The following HNRNPF variants were observed in gnomAD, a reference collection of about 807,000 sequenced individuals.
The protein encoded by HNRNPF is HnRNP F protein.
A neutral mutation model predicts 26.0 loss-of-function variants in HNRNPF; 2 were observed. The observed-to-expected ratio is 0.08, with a 90% confidence interval of 0.03 to 0.24. HNRNPF has a LOEUF of 0.24. Ranked by LOEUF, HNRNPF falls within the 10% of genes least tolerant of loss-of-function variation. The pLI, the probability that HNRNPF is intolerant of heterozygous loss-of-function variation, is 1.00. For synonymous variants in HNRNPF, 234 were observed against 211.5 expected, an observed-to-expected ratio of 1.11 and a Z score of -0.92; for missense variants, 299 against 539.2, an observed-to-expected ratio of 0.55 and a Z score of 4.41.
rs538631552 is a variant in HNRNPF at position 43,387,105 on chromosome 10, G to A, written c.780C>T (p.Phe260=). The A allele has an allele frequency of 2.0e-5, 32 of 1,613,456 alleles. No homozygotes were observed. The highest frequency in any genetic ancestry group is 1.3e-4 in the East Asian group (6 of 44,876). The change falls in exon 4 of 4, where the codon TTC becomes TTT. Residue 260 remains phenylalanine, a synonymous_variant. Coordinates refer to ENST00000682386, the MANE Select transcript of HNRNPF (RefSeq NM_001098204.2). The surrounding 1 kb of genome is among the most constrained non-coding windows in gnomAD (Gnocchi z 6.0). ...AGAGACAGTAGCTGAGGTCTCTCCCGAACAGGTCGGTGGTGAAGCCGTAGC... is the reference window on the plus strand; with the variant it reads ...AGAGACAGTAGCTGAGGTCTCTCCCAAACAGGTCGGTGGTGAAGCCGTAGC... The part of the protein sequence containing the change: ...SDGYGFTTDL[F]GRDLSYCLSG...
At position 43,386,382 on chromosome 10, in the gene HNRNPF, T is replaced by A. The variant is rs1361848301; in HGVS notation, c.*255A>T. Reference sequence around the variant, plus strand: ...TTAACATACTTAAACTACTTAAACTTAGATAACATCACTCTGAAGTATACT... The same window carrying A: ...TTAACATACTTAAACTACTTAAACTAAGATAACATCACTCTGAAGTATACT... On this transcript the variant is annotated 3_prime_UTR_variant, in exon 4 of 4. Coordinates refer to ENST00000682386, the MANE Select transcript of HNRNPF (RefSeq NM_001098204.2). The A allele has an allele frequency of 5.0e-6, 2 of 399,648 alleles. No individual in the cohort carries two copies. The highest frequency in any genetic ancestry group is 8.3e-5 in the East Asian group (2 of 24,230). The allele number at this position is 399,648 out of a possible 1,614,324, so 24.8% of individuals were successfully genotyped here.
At chr10:43,400,581 C>T (rs1838721423) in intron 1 of HNRNPF, among the ~76,000 whole-genome samples, 1 of 152,226 alleles carries the variant, frequency 6.6e-6, no homozygotes, top group African/African-American at 2.4e-5. Context: ...ATCTTCCAAC[C>T]CAGCAATTTT....
intron 1 of HNRNPF, among the ~76,000 whole-genome samples, chr10:43,399,334 T>G (rs529623988): frequency 6.6e-6 from 1 of 152,256 alleles, no homozygotes; most frequent in Non-Finnish European, 1.5e-5. Flanking sequence ...CTGATCCACC[T>G]TGGCCTCCCA....
In HNRNPF at chr10:43,387,615, T is replaced by A. The variant is rs777780885; in HGVS notation, c.270A>T (p.Arg90Ser). Residue 90 changes from arginine (R) to serine (S), a missense_variant, in exon 4 of 4, where the codon AGA becomes AGT. By Grantham distance (110) the Arg-to-Ser change is moderately radical. Transcript: ENST00000682386. The surrounding 1 kb of genome is among the most constrained non-coding windows in gnomAD (Gnocchi z 6.0). The stretch of plus-strand genomic sequence containing the variant: ...GCTTCAACACCCAATCCATCTCGGT[T>A]CTGTGGGACTTGAACACCTCAATGT... ...HRYIEVFKSHRTEMDWVLKHS... is the reference protein window; with the variant it reads ...HRYIEVFKSHSTEMDWVLKHS... 1 of 1,614,152 alleles carries A rather than the reference T, an allele frequency of 6.2e-7. No individual in the cohort carries two copies. The highest frequency in any genetic ancestry group is 8.5e-7 in the Non-Finnish European group (1 of 1,180,024).
rs751392662 is a variant in HNRNPF at position 43,397,974 on chromosome 10, T to TA, written c.-246-1385dup. On this transcript the variant is annotated intron_variant, in intron 1 of 3. Coordinates refer to ENST00000682386, the MANE Select transcript of HNRNPF (RefSeq NM_001098204.2). ...TTTATTAAAGCTCCTGATGTATACATAGAGTTTCATTACACTTGTTTCTAC... is the reference window on the plus strand; with the variant it reads ...TTTATTAAAGCTCCTGATGTATACATAAGAGTTTCATTACACTTGTTTCTAC... Among the ~76,000 whole-genome samples, 36 of 152,332 alleles carry TA rather than the reference T, an allele frequency of 2.4e-4. 1 individual carries two copies. The Middle Eastern group carries it at 0.01, about 43-fold the overall frequency.
chr10:43,395,423 ACG>A (rs1378007453), intron 2 of HNRNPF, among the ~76,000 whole-genome samples: 1 of 152,226 alleles, frequency 6.6e-6, no homozygotes, highest in African/African-American at 2.4e-5. Flanking sequence ...GGACTAGGAC[ACG>A]GGCTGAGGGC....
At chr10:43,399,697 G>A (rs1316809315) in intron 1 of HNRNPF, among the ~76,000 whole-genome samples, 1 of 152,202 alleles carries the variant, frequency 6.6e-6, no homozygotes, top group Non-Finnish European at 1.5e-5. Flanking sequence ...GAAGACTGGT[G>A]GGAGAAGAAT....
rs1480389381 is a variant in HNRNPF, at chr10:43,386,326, T to C, written c.*311A>G. ...CAAAAAAGCACGTCTCCCCAGTGTG[T>C]TCACTGTGATGTGGTGTAAAAGATC... On this transcript the variant is annotated 3_prime_UTR_variant, in exon 4 of 4. Coordinates refer to ENST00000682386, the MANE Select transcript of HNRNPF (RefSeq NM_001098204.2). The C allele has an allele frequency of 4.3e-6, 1 of 231,586 alleles. No individual in the cohort carries two copies. The highest frequency in any genetic ancestry group is 8.3e-6 in the Non-Finnish European group (1 of 120,516). The allele number at this position is 231,586 out of a possible 1,614,324, so 14.3% of individuals were successfully genotyped here. A position where few individuals can be genotyped will look rare whatever the true frequency, so the allele number is the denominator to read the frequency against.
In HNRNPF at chr10:43,386,749, C is replaced by A. The variant is rs1408492309; in HGVS notation, c.1136G>T (p.Gly379Val). Residue 379 changes from glycine to valine, a missense_variant, in exon 4 of 4, where the codon GGC becomes GTC. Coordinates refer to ENST00000682386, the MANE Select transcript of HNRNPF (RefSeq NM_001098204.2). ...GGCCTGGGCAGCAGACACCCCCATG[C>A]CTTGCATCACCTGGCTGCTATACGC... is the stretch of plus-strand genomic sequence containing the variant. ...NGAYSSQVMQ[G>V]MGVSAAQATY... The A allele has an allele frequency of 1.9e-6, 3 of 1,614,090 alleles. No individual in the cohort carries two copies. The highest frequency in any genetic ancestry group is 2.5e-6 in the Non-Finnish European group (3 of 1,180,038).
At chr10:43,396,762 A>G (rs1430424728) in intron 1 of HNRNPF, 172 bp from the exon 2 acceptor site, 5 of 151,590 alleles carry the variant, frequency 3.3e-5, no homozygotes, top group African/African-American at 9.7e-5. Context: ...CCGGCCCGGC[A>G]GGAAGGTCGG....
rs149138162 is a variant in HNRNPF, at chr10:43,387,333, A to G, written c.552T>C (p.Phe184=). 163 of 1,614,042 alleles carry G rather than the reference A, an allele frequency of 1.0e-4. No homozygotes were observed. Among genetic ancestry groups the G allele is most frequent in the Non-Finnish European group, 1.4e-4 (160 of 1,180,044 alleles). Residue 184 remains phenylalanine (F), a synonymous_variant, in exon 4 of 4, where the codon TTT becomes TTC. Coordinates refer to ENST00000682386, the MANE Select transcript of HNRNPF (RefSeq NM_001098204.2). The surrounding 1 kb of genome is among the most constrained non-coding windows in gnomAD (Gnocchi z 6.0). The part of the protein sequence containing the change: ...ERIGHRYIEV[F]KSSQEEVRSY... ...ACCTAACTTCCTCCTGGCTGCTCTT[A>G]AACACCTCAATGTACCTGTGCCCTA...
chr10:43,404,879 C>G (rs1260723514), intron 1 of HNRNPF, among the ~76,000 whole-genome samples: 2 of 152,082 alleles, frequency 1.3e-5, no homozygotes, highest in Non-Finnish European at 2.9e-5. Context: ...TATCACTTTA[C>G]AGGAAATATA....
Position 43,386,393 on chromosome 10 carries a change from A to G in HNRNPF, c.*244T>C. On this transcript the variant is annotated 3_prime_UTR_variant, in exon 4 of 4. Transcript: ENST00000682386. ...AAACTACTTAAACTTAGATAACATC[A>G]CTCTGAAGTATACTACCAAAATGTT... The G allele has an allele frequency of 2.3e-6, 1 of 428,130 alleles. No individual in the cohort carries two copies. The highest frequency in any genetic ancestry group is 5.0e-5 in the South Asian group (1 of 19,920). 26.5% of individuals were successfully genotyped at this position (428,130 alleles called of 1,614,324 possible). A position where few individuals can be genotyped will look rare whatever the true frequency, so the allele number is the denominator to read the frequency against.
intron 1 of HNRNPF, among the ~76,000 whole-genome samples, chr10:43,407,156 T>A (rs1238629056): frequency 2.6e-5 from 4 of 151,688 alleles, no homozygotes; most frequent in African/African-American, 9.7e-5. Context: ...AACTACGCTT[T>A]CAGAACTCCC....
At chr10:43,393,195 T>A (rs150759282) in intron 3 of HNRNPF, among the ~76,000 whole-genome samples, 56 of 152,284 alleles carry the variant, frequency 3.7e-4, no homozygotes, top group African/African-American at 1.3e-3. Flanking sequence ...GTAATGGGAG[T>A]TATCAAATTG....
chr10:43,393,278 G>T (rs1331268427), intron 3 of HNRNPF, among the ~76,000 whole-genome samples: 1 of 152,072 alleles, frequency 6.6e-6, no homozygotes, highest in African/African-American at 2.4e-5. Flanking sequence ...GCCAATTCCA[G>T]ATTACCGATA....
intron 1 of HNRNPF, among the ~76,000 whole-genome samples, chr10:43,404,874 C>T (rs951858877): frequency 1.3e-5 from 2 of 152,140 alleles, no homozygotes; most frequent in African/African-American, 4.8e-5. Flanking sequence ...GTAACTATCA[C>T]TTTACAGGAA....
At chr10:43,398,119 C>G (rs1362890740) in intron 1 of HNRNPF, among the ~76,000 whole-genome samples, 1 of 152,084 alleles carries the variant, frequency 6.6e-6, no homozygotes, top group East Asian at 1.9e-4. Context: ...CCTCTGCCTC[C>G]TGGGTTAAGG....
intron 1 of HNRNPF, among the ~76,000 whole-genome samples, chr10:43,407,454 G>C (rs1838961502): frequency 6.6e-6 from 1 of 152,100 alleles, no homozygotes; most frequent in Admixed American, 6.5e-5. Flanking sequence ...GGCGCCTAGG[G>C]GGAGGGGTTC....
Sources: gnomAD v4.1 joint callset for allele counts (sites outside exome capture counted in the v4.1 genomes callset) on GRCh38, gnomAD v4.1.1 for gene constraint, Gnocchi (gnomAD v3.1) non-coding constraint, MANE v1.5 for transcripts, NCBI Gene and HGNC (gene_info 2026-07-23, HGNC 2026-07-21) for gene names.